Variants in HACE1 observed in about 807,000 individuals in gnomAD.
The protein encoded by HACE1 is HECT domain and ankyrin repeat containing E3 ubiquitin protein ligase 1, also known as E3 ubiquitin-protein ligase HACE1.
Under a neutral mutation model 118.4 loss-of-function variants are expected in HACE1, and 73 were observed. The observed-to-expected ratio is 0.62, with a 90% CI of 0.51 to 0.75. The LOEUF is 0.75. Among genes scored for constraint, HACE1 ranks in the 30% least tolerant of loss-of-function variants. The pLI is 0.00. For missense variants in HACE1, 749 were observed against 1,102.2 expected (o/e 0.68, Z 4.54); for synonymous variants, 368 against 374.8 (o/e 0.98, Z 0.21).
chr6:104,751,956 A>AAAC (rs34671965), intron 19 of HACE1, among the ~76,000 whole-genome samples: 16 of 57,430 alleles, frequency 2.8e-4, no homozygotes, highest in African/African-American at 5.4e-4. Flanking sequence ...AAAACCAAAC[A>AAAC]AAAAAAAAAA....
intron 19 of HACE1, among the ~76,000 whole-genome samples, chr6:104,756,266 G>C (rs181667484): frequency 4.0e-4 from 60 of 151,798 alleles, no homozygotes; most frequent in African/African-American, 1.4e-3. Context: ...CAAAAAATTA[G>C]CCAGGCATGG....
intron 5 of HACE1, among the ~76,000 whole-genome samples, chr6:104,840,740 G>A (rs912667435): frequency 1.3e-5 from 2 of 152,164 alleles, no homozygotes; most frequent in Non-Finnish European, 2.9e-5. Flanking sequence ...AAGGCGGGCA[G>A]ATCACCTGAG....
chr6:104,807,142 G>C (rs750952911), intron 7 of HACE1, among the ~76,000 whole-genome samples: 1 of 151,446 alleles, frequency 6.6e-6, no homozygotes, highest in Non-Finnish European at 1.5e-5. Flanking sequence ...TCCTGCCTCA[G>C]CCTCTGGAGT....
intron 22 of HACE1, among the ~76,000 whole-genome samples, chr6:104,743,776 C>A (rs1777095657): frequency 6.6e-6 from 1 of 151,744 alleles, no homozygotes; most frequent in Non-Finnish European, 1.5e-5. Context: ...CAGAGTTAAC[C>A]AGGATAAACT....
At chr6:104,853,766 T>C (rs1776461857) in intron 1 of HACE1, among the ~76,000 whole-genome samples, 1 of 152,156 alleles carries the variant, frequency 6.6e-6, no homozygotes, top group African/African-American at 2.4e-5. Flanking sequence ...TATGATCCAC[T>C]GAAAGGGGAC....
chr6:104,814,362 C>T (rs1258998040), intron 6 of HACE1, among the ~76,000 whole-genome samples: 1 of 138,004 alleles, frequency 7.2e-6, no homozygotes, highest in Non-Finnish European at 1.6e-5. Context: ...AACAGCAACA[C>T]AGAAATCTAA....
At chr6:104,798,158 A>G (rs113139863) in intron 7 of HACE1, among the ~76,000 whole-genome samples, 2 of 152,244 alleles carry the variant, frequency 1.3e-5, no homozygotes, top group African/African-American at 4.8e-5. Context: ...GAATCCAAAA[A>G]GAACTCTGTA....
chr6:104,754,825 C>T (rs567368793), intron 19 of HACE1, among the ~76,000 whole-genome samples: 16 of 152,288 alleles, frequency 1.1e-4, no homozygotes, highest in South Asian at 4.1e-4. Context: ...CCAGCCACTA[C>T]AAAAATACAC....
chr6:104,840,531 T>C (rs1562488484), intron 5 of HACE1, among the ~76,000 whole-genome samples: 1 of 151,964 alleles, frequency 6.6e-6, no homozygotes, highest in Admixed American at 6.6e-5. Context: ...TAAAATCCAT[T>C]AAAATAGCTG....
chr6:104,800,060 C>T (rs1197375145), intron 7 of HACE1, among the ~76,000 whole-genome samples: 1 of 152,146 alleles, frequency 6.6e-6, no homozygotes, highest in Non-Finnish European at 1.5e-5. Flanking sequence ...AGATTCCATC[C>T]CGTGCCTGGC....
intron 5 of HACE1, among the ~76,000 whole-genome samples, chr6:104,841,958 A>C (rs1430979743): frequency 2.0e-5 from 3 of 152,228 alleles, no homozygotes; most frequent in Non-Finnish European, 2.9e-5. Context: ...AAAAATACAT[A>C]AACTTATTTT....
At chr6:104,797,727 T>C (rs1769827033) in intron 7 of HACE1, among the ~76,000 whole-genome samples, 1 of 152,042 alleles carries the variant, frequency 6.6e-6, no homozygotes. Context: ...AGAAGTAGAA[T>C]TGTGTAACTA....
intron 14 of HACE1, 72 bp downstream of exon 14, chr6:104,784,014 C>A: frequency 2.5e-6 from 2 of 796,908 alleles, no homozygotes; most frequent in South Asian, 1.4e-5. Context: ...AATAATTATT[C>A]CACTAAACAG....
intron 1 of HACE1, among the ~76,000 whole-genome samples, chr6:104,855,852 A>G (rs1776667004): frequency 6.6e-6 from 1 of 152,246 alleles, no homozygotes; most frequent in Non-Finnish European, 1.5e-5. Context: ...AAGATAGTGC[A>G]TAATTTTAAG....
intron 22 of HACE1, among the ~76,000 whole-genome samples, chr6:104,734,101 C>T (rs891051427): frequency 1.5e-5 from 2 of 132,262 alleles, no homozygotes; most frequent in Non-Finnish European, 3.0e-5. Flanking sequence ...TGCAGTGAGC[C>T]GAGTGAGATC....
At chr6:104,804,011 CAA>C (rs1352704016) in intron 7 of HACE1, among the ~76,000 whole-genome samples, 1 of 152,144 alleles carries the variant, frequency 6.6e-6, no homozygotes, top group African/African-American at 2.4e-5. Context: ...GCAACTTCAG[CAA>C]AGTCTCAGGA....
chr6:104,743,659 T>C (rs1777081530), intron 22 of HACE1, among the ~76,000 whole-genome samples: 2 of 151,996 alleles, frequency 1.3e-5, no homozygotes, highest in South Asian at 4.1e-4. Context: ...GTTCCAAAAG[T>C]GAACTTTTCA....
At chr6:104,766,878 G>T (rs1780068908) in intron 19 of HACE1, 1 of 152,152 alleles carries the variant, frequency 6.6e-6, no homozygotes, top group Non-Finnish European at 1.5e-5. Flanking sequence ...AAGACTGGAT[G>T]GCCCCTGCAC....
intron 14 of HACE1, among the ~76,000 whole-genome samples, chr6:104,781,734 T>C (rs114134099): frequency 0.023 from 3,572 of 152,050 alleles, 163 homozygotes; most frequent in African/African-American, 0.083. Context: ...ACCGCCAACA[T>C]GGACATCCTC....
Sources: allele counts gnomAD v4.1 joint callset (sites outside exome capture counted in the v4.1 genomes callset), GRCh38; gene constraint gnomAD v4.1.1; transcripts MANE v1.5; gene names NCBI Gene and HGNC (gene_info 2026-07-23, HGNC 2026-07-21).